Variants in C2CD3 observed in about 807,000 individuals in gnomAD.
C2CD3 encodes C2 domain containing 3 centriole elongation regulator.
A neutral mutation model predicts 234.0 loss-of-function variants in C2CD3; 148 were observed. The ratio of observed to expected loss-of-function variants is 0.63; its 90% CI spans 0.55 to 0.72. The LOEUF (loss-of-function observed/expected upper bound fraction) is 0.72, where lower values mean the gene tolerates loss of function less well. C2CD3 is among the 30% of genes least tolerant of loss of function. The pLI is 0.00. For missense variants in C2CD3, 2,577 were observed against 2,811.5 expected (o/e 0.92, Z 1.89); for synonymous variants, 1,000 against 1,035.4 (o/e 0.97, Z 0.66).
At chr11:74,168,641 C>G (rs1244911465) in intron 1 of C2CD3, 28 bp from the exon 2 acceptor site, 5 of 1,588,856 alleles carry the variant, frequency 3.1e-6, no homozygotes, top group Non-Finnish European at 4.3e-6. Flanking sequence ...AAAACTGAGT[C>G]AAAATTTAGA....
intron 24 of C2CD3, among the ~76,000 whole-genome samples, chr11:74,068,279 T>C (rs1430357377): frequency 6.6e-6 from 1 of 152,180 alleles, no homozygotes; most frequent in Non-Finnish European, 1.5e-5. Context: ...TTCAACTAAT[T>C]TCTTCCAATA....
intron 2 of C2CD3, among the ~76,000 whole-genome samples, chr11:74,162,707 T>C (rs146764111): frequency 3.3e-4 from 50 of 152,300 alleles, no homozygotes; most frequent in African/African-American, 1.2e-3. Context: ...ATATTTAGCA[T>C]AGCAAGTATT....
At chr11:74,100,863 C>T (rs1390172036) in intron 14 of C2CD3, among the ~76,000 whole-genome samples, 187 bp from the exon 15 acceptor site, 1 of 152,190 alleles carries the variant, frequency 6.6e-6, no homozygotes, top group East Asian at 1.9e-4. Context: ...TAGAGACTAA[C>T]ACATAAAGGC....
chr11:74,148,569 A>C (rs550094827), intron 3 of C2CD3, among the ~76,000 whole-genome samples: 2 of 152,202 alleles, frequency 1.3e-5, no homozygotes, highest in Middle Eastern at 3.4e-3. Context: ...GATTTCTTTT[A>C]CAGCCAGTCT....
At chr11:74,091,734 C>A (rs1955900544) in intron 19 of C2CD3, among the ~76,000 whole-genome samples, 2 of 152,276 alleles carry the variant, frequency 1.3e-5, no homozygotes, top group African/African-American at 4.8e-5. Flanking sequence ...CTTGGAATAA[C>A]AATTCTCTGA....
At chr11:74,153,730 AC>A (rs1347366519) in intron 3 of C2CD3, among the ~76,000 whole-genome samples, 1 of 152,194 alleles carries the variant, frequency 6.6e-6, no homozygotes, top group Non-Finnish European at 1.5e-5. Flanking sequence ...CTTAAAATGG[AC>A]AAAAATTTTC....
intron 29 of C2CD3, among the ~76,000 whole-genome samples, chr11:74,039,901 A>G (rs1484842543): frequency 5.9e-5 from 9 of 152,240 alleles, no homozygotes; most frequent in Non-Finnish European, 1.2e-4. Context: ...AAATACAACC[A>G]AATTATCAAT....
At chr11:74,080,873 A>G (rs1241751579) in intron 22 of C2CD3, among the ~76,000 whole-genome samples, 1 of 152,176 alleles carries the variant, frequency 6.6e-6, no homozygotes, top group Non-Finnish European at 1.5e-5. Flanking sequence ...TCCATTACAG[A>G]TGAGGAAACC....
At chr11:74,082,161 C>G (rs1322166655) in intron 22 of C2CD3, among the ~76,000 whole-genome samples, 2 of 144,442 alleles carry the variant, frequency 1.4e-5, no homozygotes, top group Admixed American at 1.4e-4. Flanking sequence ...CTCGGTCTGT[C>G]GCCCAGGCTG....
chr11:74,113,807 G>A lies in C2CD3; in HGVS notation c.1816C>T (p.Leu606Phe). ...CCATCTGTAATTTTACTGGAGGCGA[G>A]TCGAACAACCTCAGTGATCAAAGCT... ...KTALITEVVR[L>F]ASSKITDGKV... The change falls in exon 11 of 33, where the codon CTC becomes TTC. Residue 606 changes from leucine to phenylalanine, a missense_variant. By Grantham distance (22) the Leu-to-Phe change is conservative (BLOSUM62 0). Coordinates refer to ENST00000334126, the MANE Select transcript of C2CD3 (RefSeq NM_001286577.2). The A allele has an allele frequency of 1.2e-6, 2 of 1,611,582 alleles. No homozygotes were observed. Among genetic ancestry groups the A allele is most frequent in the Non-Finnish European group, 1.7e-6 (2 of 1,178,068 alleles).
chr11:74,084,936 C>T lies in C2CD3; in HGVS notation c.3945G>A (p.Glu1315=), dbSNP rs138900479. The T allele has an allele frequency of 1.9e-6, 3 of 1,612,578 alleles. No individual in the cohort carries two copies. The highest frequency in any genetic ancestry group is 3.3e-5 in the Admixed American group (2 of 60,024). The part of the protein sequence containing the change: ...SDIISIESCK[E]YLLGVVKVPT... ...GAACTTTTACTACTCCAAGCAGATA[C>T]TCTTTGCATGACTCAATACTGATTA... Residue 1315 remains glutamate, a synonymous_variant, in exon 22 of 33, where the codon GAG becomes GAA. Coordinates refer to ENST00000334126, the MANE Select transcript of C2CD3 (RefSeq NM_001286577.2).
intron 1 of C2CD3, among the ~76,000 whole-genome samples, chr11:74,169,212 C>T (rs1324747646): frequency 6.6e-6 from 1 of 152,208 alleles, no homozygotes; most frequent in Non-Finnish European, 1.5e-5. Context: ...AGGACACAGA[C>T]TATCTAATCT....
chr11:74,088,606 G>A (rs1955757520), intron 20 of C2CD3, among the ~76,000 whole-genome samples: 1 of 152,150 alleles, frequency 6.6e-6, no homozygotes, highest in South Asian at 2.1e-4. Context: ...CTGAGTTTCC[G>A]ACTTGTTATC....
chr11:74,169,274 C>A (rs960944616), intron 1 of C2CD3, among the ~76,000 whole-genome samples: 4 of 152,122 alleles, frequency 2.6e-5, no homozygotes, highest in Non-Finnish European at 5.9e-5. Flanking sequence ...TATTTATTGG[C>A]TTTAGTATTT....
intron 3 of C2CD3, among the ~76,000 whole-genome samples, chr11:74,153,041 A>AT (rs1325900395): frequency 1.3e-5 from 2 of 152,152 alleles, no homozygotes; most frequent in African/African-American, 4.8e-5. Flanking sequence ...GCCAGCCAAC[A>AT]TAGCGAAACC....
At chr11:74,069,389 G>A (rs1367903803) in intron 24 of C2CD3, among the ~76,000 whole-genome samples, 1 of 152,232 alleles carries the variant, frequency 6.6e-6, no homozygotes, top group Non-Finnish European at 1.5e-5. Flanking sequence ...ACAGGGTTGG[G>A]ACACACATTA....
intron 26 of C2CD3, 144 bp downstream of exon 26, chr11:74,054,463 A>G (rs564990958): frequency 1.9e-6 from 1 of 540,262 alleles, no homozygotes; most frequent in East Asian, 3.1e-5. Flanking sequence ...CCTCTACCAC[A>G]TATCTGCATT....
chr11:74,101,416 G>C (rs1215301389), intron 14 of C2CD3, among the ~76,000 whole-genome samples: 1 of 152,180 alleles, frequency 6.6e-6, no homozygotes, highest in African/African-American at 2.4e-5. Context: ...CAAAAAGTGT[G>C]AAATTAGAAA....
intron 31 of C2CD3, among the ~76,000 whole-genome samples, chr11:74,029,436 A>C (rs1431058393): frequency 6.6e-6 from 1 of 152,224 alleles, no homozygotes; most frequent in Non-Finnish European, 1.5e-5. Flanking sequence ...ATATCTTGTG[A>C]ATGAATGAAA....
Sources: allele counts gnomAD v4.1 joint callset (sites outside exome capture counted in the v4.1 genomes callset), GRCh38; gene constraint gnomAD v4.1.1; transcripts MANE v1.5; gene names NCBI Gene and HGNC (gene_info 2026-07-23, HGNC 2026-07-21).